Variants in AGMO observed in about 807,000 individuals in gnomAD.
AGMO encodes the protein alkylglycerol monooxygenase.
AGMO carries 75 observed loss-of-function variants against 60.2 expected under a neutral mutation model. That is an observed-to-expected ratio of 1.25 (90% confidence interval 1.03 to 1.51). The LOEUF (loss-of-function observed/expected upper bound fraction) is 1.51, where lower values mean the gene tolerates loss of function less well. Ranked by LOEUF, AGMO falls within the 40% of genes most tolerant of loss-of-function variation. The probability of loss-of-function intolerance (pLI) is 0.00; values close to 1 mark genes in which losing one functional copy is unlikely to be tolerated. For synonymous variants in AGMO, 261 were observed against 177.1 expected (o/e 1.47, Z -3.76); for missense variants, 763 against 525.5 (o/e 1.45, Z -4.42).
At chr7:15,183,521 C>G in the AGMO span, among the ~76,000 whole-genome samples, 1 of 152,164 alleles carries the variant, frequency 6.6e-6, no homozygotes, top group African/African-American at 2.4e-5. Flanking sequence ...AGTTGTTTGC[C>G]TATTGTCCTT....
At chr7:15,264,361 A>T (rs1241116069) in intron 12 of AGMO, among the ~76,000 whole-genome samples, 1 of 152,122 alleles carries the variant, frequency 6.6e-6, no homozygotes, top group South Asian at 2.1e-4. Flanking sequence ...CAATAAAACC[A>T]AAGTAATGGA....
chr7:15,310,252 G>T (rs987798735), intron 12 of AGMO, among the ~76,000 whole-genome samples: 1 of 152,120 alleles, frequency 6.6e-6, no homozygotes, highest in East Asian at 1.9e-4. Context: ...TGTAGTAAAT[G>T]ATCAAAGCTG....
At chr7:15,289,718 C>G (rs1784202794) in intron 12 of AGMO, among the ~76,000 whole-genome samples, 1 of 151,960 alleles carries the variant, frequency 6.6e-6, no homozygotes, top group Non-Finnish European at 1.5e-5. Flanking sequence ...GAGGTAAATA[C>G]TGAATTATTG....
chr7:15,399,155 A>T (rs1314210374), intron 5 of AGMO, among the ~76,000 whole-genome samples: 1 of 152,050 alleles, frequency 6.6e-6, no homozygotes, highest in Non-Finnish European at 1.5e-5. Flanking sequence ...TGTATTCTGT[A>T]AGTTGTTTTT....
At chr7:15,419,802 C>G (rs1249514792) in intron 4 of AGMO, among the ~76,000 whole-genome samples, 2 of 151,954 alleles carry the variant, frequency 1.3e-5, no homozygotes, top group Non-Finnish European at 1.5e-5. Context: ...GTGATACTCC[C>G]TAAGTTCTTA....
Position 15,291,407 on chromosome 7 carries a change from T to C in AGMO, c.1263+74107A>G, listed in dbSNP as rs117622876. Among the ~76,000 whole-genome samples, 1,259 of 152,332 alleles carry C rather than the reference T, an allele frequency of 8.3e-3. 5 individuals carry two copies. The highest frequency in any genetic ancestry group is 0.016 in the South Asian group (78 of 4,826). ...AAAGCAGATGTTTTCTTCAGCTCTA[T>C]TGTATTTCTAACTTTGCCGGTATAG... is the stretch of plus-strand genomic sequence containing the variant. On this transcript the variant is annotated intron_variant, in intron 12 of 12. Coordinates refer to ENST00000342526, the MANE Select transcript of AGMO (RefSeq NM_001004320.2).
At chr7:15,215,843 A>G (rs1016585235) in intron 12 of AGMO, among the ~76,000 whole-genome samples, 8 of 152,034 alleles carry the variant, frequency 5.3e-5, no homozygotes, top group African/African-American at 1.9e-4. Flanking sequence ...TATTATGACA[A>G]TCAGTTTTTC....
chr7:15,203,803 A>G (rs746749940), intron 12 of AGMO, among the ~76,000 whole-genome samples: 8 of 152,286 alleles, frequency 5.3e-5, no homozygotes, highest in Non-Finnish European at 1.0e-4. Context: ...AAAGTTTTAC[A>G]TTTACCCCAA....
At chr7:15,505,696 T>A (rs1468724791) in intron 3 of AGMO, among the ~76,000 whole-genome samples, 1 of 152,024 alleles carries the variant, frequency 6.6e-6, no homozygotes, top group Non-Finnish European at 1.5e-5. Context: ...CAAACTAATG[T>A]TAAATTCCCA....
chr7:15,394,883 C>CT (rs1258777959), intron 5 of AGMO, among the ~76,000 whole-genome samples: 3 of 152,076 alleles, frequency 2.0e-5, no homozygotes, highest in Non-Finnish European at 4.4e-5. Context: ...ATAAAAAGGC[C>CT]TTTTTTCACA....
chr7:15,391,992 T>C (rs1232102516), intron 6 of AGMO, among the ~76,000 whole-genome samples: 4 of 152,200 alleles, frequency 2.6e-5, no homozygotes, highest in Admixed American at 6.5e-5. Context: ...CATGCGAAGA[T>C]GAAGTCAGAG....
chr7:15,559,645 C>T (rs529078991), intron 2 of AGMO, among the ~76,000 whole-genome samples: 1 of 152,170 alleles, frequency 6.6e-6, no homozygotes, highest in African/African-American at 2.4e-5. Context: ...TTTTACCTTA[C>T]ACTTGAGGCA....
At chr7:15,532,663 G>GA (rs1301834356) in intron 3 of AGMO, among the ~76,000 whole-genome samples, 1 of 152,036 alleles carries the variant, frequency 6.6e-6, no homozygotes, top group Admixed American at 6.6e-5. Flanking sequence ...TTTAGGATTT[G>GA]AAAAATAGCA....
chr7:15,188,309 T>C, the AGMO span, among the ~76,000 whole-genome samples: 5 of 152,304 alleles, frequency 3.3e-5, no homozygotes, highest in South Asian at 1.0e-3. Context: ...AAAGAGTATA[T>C]TACTATTTAC....
At chr7:15,311,079 G>A (rs114296019) in intron 12 of AGMO, among the ~76,000 whole-genome samples, 2,044 of 152,052 alleles carry the variant, frequency 0.013, 43 homozygotes, top group African/African-American at 0.048. Flanking sequence ...ATATTCACAG[G>A]TCTGGGAATT....
chr7:15,278,778 T>G (rs1372163654), intron 12 of AGMO, among the ~76,000 whole-genome samples: 3 of 152,122 alleles, frequency 2.0e-5, no homozygotes, highest in Admixed American at 6.6e-5. Context: ...TGGTGGCAAT[T>G]GCTGTGGCAG....
chr7:15,260,083 A>G (rs1036347560), intron 12 of AGMO, among the ~76,000 whole-genome samples: 3 of 151,692 alleles, frequency 2.0e-5, no homozygotes, highest in Non-Finnish European at 4.4e-5. Flanking sequence ...AATACCTCAC[A>G]TCTGAATATT....
chr7:15,122,110 G>C, the AGMO span, among the ~76,000 whole-genome samples: 1 of 152,102 alleles, frequency 6.6e-6, no homozygotes. Flanking sequence ...TATCACCAAA[G>C]TGAACAGGCA....
chr7:15,261,892 A>C (rs988416820), intron 12 of AGMO, among the ~76,000 whole-genome samples: 1 of 152,048 alleles, frequency 6.6e-6, no homozygotes, highest in Non-Finnish European at 1.5e-5. Flanking sequence ...GAGAATTAAA[A>C]ACAAAAATCA....
Sources: allele counts gnomAD v4.1 joint callset (sites outside exome capture counted in the v4.1 genomes callset), GRCh38; gene constraint gnomAD v4.1.1; transcripts MANE v1.5; gene names NCBI Gene and HGNC (gene_info 2026-07-23, HGNC 2026-07-21).